The following NTRK3 variants were observed in gnomAD, a reference collection of about 807,000 sequenced individuals.
NTRK3 encodes the protein NT-3 growth factor receptor.
Under a neutral mutation model 91.7 loss-of-function variants are expected in NTRK3, and 24 were observed. That is an observed-to-expected ratio of 0.26 (90% CI 0.19 to 0.37). The LOEUF (loss-of-function observed/expected upper bound fraction) is 0.37, where lower values mean the gene tolerates loss of function less well. Among genes scored for constraint, NTRK3 ranks in the 10% least tolerant of loss-of-function variants. The probability of loss-of-function intolerance (pLI) is 1.00; values close to 1 mark genes in which losing one functional copy is unlikely to be tolerated. For missense variants in NTRK3, 880 were observed against 1,068.9 expected, an observed-to-expected ratio of 0.82 and a Z score of 2.46; for synonymous variants, 483 against 404.0, an observed-to-expected ratio of 1.20 and a Z score of -2.34.
chr15:87,993,952 C>T (rs1187011303), intron 14 of NTRK3, among the ~76,000 whole-genome samples: 1 of 152,172 alleles, frequency 6.6e-6, no homozygotes, highest in Admixed American at 6.5e-5. Context: ...ACCTAAATAT[C>T]AATCTTCCAG....
chr15:88,172,396 A>AG (rs1420655110), intron 5 of NTRK3, among the ~76,000 whole-genome samples: 1 of 152,212 alleles, frequency 6.6e-6, no homozygotes, highest in African/African-American at 2.4e-5. Context: ...CTTAGGGAAG[A>AG]GGGGGAAAAA....
At chr15:88,058,197 G>A (rs2045897347) in intron 13 of NTRK3, among the ~76,000 whole-genome samples, 1 of 152,136 alleles carries the variant, frequency 6.6e-6, no homozygotes, top group Non-Finnish European at 1.5e-5. Context: ...TGGCCAAAGG[G>A]GAAAGAGTCC....
intron 13 of NTRK3, among the ~76,000 whole-genome samples, chr15:88,042,084 C>T (rs1444629641): frequency 6.6e-6 from 1 of 151,938 alleles, no homozygotes; most frequent in Non-Finnish European, 1.5e-5. Flanking sequence ...TTTTTAAAAC[C>T]TCAACCTTTT....
chr15:87,952,999 C>T (rs2071297292), intron 14 of NTRK3, among the ~76,000 whole-genome samples: 1 of 152,166 alleles, frequency 6.6e-6, no homozygotes, highest in African/African-American at 2.4e-5. Flanking sequence ...AGATTCGTTC[C>T]GCAAGGCCTC....
chr15:88,193,413 GA>G lies in NTRK3; in HGVS notation c.249-9115del, dbSNP rs1161291299. 2.6e-5 allele frequency among the ~76,000 whole-genome samples: 4 copies of G among 152,074 alleles called. No homozygotes were observed. The East Asian group carries it at 7.7e-4, about 29-fold the overall frequency. On this transcript the variant is annotated intron_variant, in intron 3 of 18. Coordinates refer to ENST00000394480, the Ensembl canonical transcript of NTRK3. ...CCCTCCCAGGCCCAGGTCTCAGCTT[GA>G]TGTCCACTGTCAGGGTCAGCAGTGG...
intron 6 of NTRK3, among the ~76,000 whole-genome samples, chr15:88,139,152 G>A (rs761244149): frequency 1.3e-5 from 2 of 152,160 alleles, no homozygotes; most frequent in Non-Finnish European, 2.9e-5. Flanking sequence ...TGTTTGATAG[G>A]GGAAGAGTCA....
chr15:88,161,072 C>T (rs1218269100), intron 5 of NTRK3, among the ~76,000 whole-genome samples: 1 of 152,194 alleles, frequency 6.6e-6, no homozygotes, highest in African/African-American at 2.4e-5. Flanking sequence ...GTACTCAATG[C>T]ATGGCTGCTG....
chr15:88,055,252 T>C (rs1373957985), intron 13 of NTRK3, among the ~76,000 whole-genome samples: 1 of 152,148 alleles, frequency 6.6e-6, no homozygotes, highest in South Asian at 2.1e-4. Context: ...TTAAAGAAGA[T>C]CTGTGCCACT....
chr15:88,158,796 C>T (rs899756345), intron 5 of NTRK3, among the ~76,000 whole-genome samples: 1 of 152,156 alleles, frequency 6.6e-6, no homozygotes. Flanking sequence ...GAGGCCAGGC[C>T]TGGCGTGGGA....
At chr15:88,057,364 G>A (rs1185552012) in intron 13 of NTRK3, among the ~76,000 whole-genome samples, 1 of 151,850 alleles carries the variant, frequency 6.6e-6, no homozygotes, top group Non-Finnish European at 1.5e-5. Flanking sequence ...CGGGCGTGGT[G>A]GCAGGTGCCT....
Position 88,243,536 on chromosome 15 carries a change from G to GCACACACACACA in NTRK3, c.248+12358_248+12369dup, listed in dbSNP as rs4034771. On this transcript the variant is annotated intron_variant, in intron 3 of 18. Transcript: ENST00000394480. The surrounding 1 kb of genome is among the most constrained non-coding windows in gnomAD (Gnocchi z 4.8). ...CACTTGATCCCATCCCCCATAGCATGCACACACACACACACACACACACAC... is the reference window on the plus strand; with the variant it reads ...CACTTGATCCCATCCCCCATAGCATGCACACACACACACACACACACACACACACACACACAC... Among the ~76,000 whole-genome samples, 4 of 145,878 alleles carry GCACACACACACA rather than the reference G, an allele frequency of 2.7e-5. No individual in the cohort carries two copies. Among genetic ancestry groups the GCACACACACACA allele is most frequent in the African/African-American group, 1.0e-4 (4 of 38,384 alleles).
At chr15:88,009,066 G>A (rs935276303) in intron 14 of NTRK3, among the ~76,000 whole-genome samples, 5 of 152,182 alleles carry the variant, frequency 3.3e-5, no homozygotes, top group Non-Finnish European at 7.3e-5. Flanking sequence ...ATCCCCAGTT[G>A]AGTGGGAAGA....
chr15:88,017,685 G>A (rs1422336927), intron 14 of NTRK3, among the ~76,000 whole-genome samples: 7 of 152,020 alleles, frequency 4.6e-5, no homozygotes, highest in East Asian at 3.9e-4. Context: ...TTGGGGAATA[G>A]GGGGAGAGGG....
exon 19 of NTRK3, chr15:87,872,434 T>C: frequency 8.8e-6 from 2 of 226,106 alleles, no homozygotes; most frequent in Non-Finnish European, 1.8e-5. Context: ...CCTCTTACAA[T>C]AAGCATTAAA....
rs17764025 is a variant in NTRK3 at position 88,205,274 on chromosome 15, T to C, written c.249-20975A>G. ...GTGAGAAACACAAGGGATGACAGAC[T>C]TCCCTGGTTCAAGAGAGCATGGGGA... On this transcript the variant is annotated intron_variant, in intron 3 of 18. Coordinates refer to ENST00000394480, the Ensembl canonical transcript of NTRK3. Among the ~76,000 whole-genome samples, 58 of 152,248 alleles carry C rather than the reference T, an allele frequency of 3.8e-4. No individual in the cohort carries two copies. In the East Asian group the frequency reaches 0.011, roughly 29 times the overall value.
At chr15:88,062,513 C>G (rs2046308177) in intron 13 of NTRK3, among the ~76,000 whole-genome samples, 1 of 152,182 alleles carries the variant, frequency 6.6e-6, no homozygotes, top group Non-Finnish European at 1.5e-5. Flanking sequence ...TCCTTCCCTC[C>G]TGCACATGAA....
chr15:88,075,008 G>C (rs2047409376), intron 13 of NTRK3, among the ~76,000 whole-genome samples: 1 of 152,168 alleles, frequency 6.6e-6, no homozygotes, highest in Non-Finnish European at 1.5e-5. Context: ...ATTCCTGTCT[G>C]ACCTGTAAGC....
chr15:87,898,012 A>T (rs1237527089), intron 17 of NTRK3, among the ~76,000 whole-genome samples: 1 of 152,218 alleles, frequency 6.6e-6, no homozygotes, highest in Non-Finnish European at 1.5e-5. Flanking sequence ...CATGTGCAGA[A>T]ATTAAATGAG....
intron 15 of NTRK3, among the ~76,000 whole-genome samples, chr15:87,938,869 T>A (rs369460274): frequency 9.2e-5 from 14 of 152,230 alleles, no homozygotes; most frequent in Admixed American, 2.0e-4. Context: ...CCATCTCATG[T>A]CTATGCAGGC....
Sources: gnomAD v4.1 joint callset for allele counts (sites outside exome capture counted in the v4.1 genomes callset) on GRCh38, gnomAD v4.1.1 for gene constraint, Gnocchi (gnomAD v3.1) non-coding constraint, MANE v1.5 for transcripts, NCBI Gene and HGNC (gene_info 2026-07-23, HGNC 2026-07-21) for gene names.